MCC: variants seen among roughly 807,000 people sequenced by gnomAD.
MCC encodes colorectal mutant cancer protein.
In MCC, 90 loss-of-function variants were observed where a neutral mutation model predicts 116.2. That is an observed-to-expected ratio of 0.77 (90% CI 0.65 to 0.92). MCC has a LOEUF of 0.92. Ranked by LOEUF, MCC falls within the 40% of genes least tolerant of loss-of-function variation. The pLI, the probability that MCC is intolerant of heterozygous loss-of-function variation, is 0.00. For synonymous variants in MCC, 578 were observed against 510.5 expected (o/e 1.13, Z -1.78); for missense variants, 1,516 against 1,312.2 (o/e 1.16, Z -2.40).
At position 113,025,261 on chromosome 5, in the gene MCC, C is replaced by T. The variant is rs1472214368; in HGVS notation, c.*2041G>A. 6.1e-4 allele frequency: 90 copies of T among 148,024 alleles called. No homozygotes were observed. Among genetic ancestry groups the T allele is most frequent in the Non-Finnish European group, 1.0e-4 (7 of 66,880 alleles). 9.2% of individuals were successfully genotyped at this position (148,024 alleles called of 1,614,324 possible). ...AAAACTGATTTTTTTTTTTTTGGGG[C>T]ATATGTTTTTCAGCCAAAACATTTT... On this transcript the variant is annotated 3_prime_UTR_variant, in exon 19 of 19. Coordinates refer to ENST00000408903, the MANE Select transcript of MCC (RefSeq NM_001085377.2).
chr5:113,474,410 A>G (rs1161536758), intron 1 of MCC, among the ~76,000 whole-genome samples: 1 of 152,218 alleles, frequency 6.6e-6, no homozygotes, highest in African/African-American at 2.4e-5. Flanking sequence ...TGGGAGCTGC[A>G]TGTGCACAGC....
chr5:113,260,337 T>C (rs1182396608), intron 3 of MCC, among the ~76,000 whole-genome samples: 7 of 152,346 alleles, frequency 4.6e-5, no homozygotes, highest in East Asian at 3.9e-4. Context: ...AAGAATGGTA[T>C]TGATTTGCGC....
chr5:113,173,722 G>A (rs904705977), intron 3 of MCC, among the ~76,000 whole-genome samples: 1 of 152,136 alleles, frequency 6.6e-6, no homozygotes, highest in African/African-American at 2.4e-5. Flanking sequence ...TGTTTTCTCA[G>A]TATATTCTAT....
chr5:113,207,657 GT>G (rs1317238271), intron 3 of MCC, among the ~76,000 whole-genome samples: 2 of 152,124 alleles, frequency 1.3e-5, no homozygotes, highest in East Asian at 3.8e-4. Flanking sequence ...TGAATAAAGG[GT>G]TTTCCTAGGG....
At chr5:113,348,877 A>C (rs1175014149) in intron 2 of MCC, among the ~76,000 whole-genome samples, 1 of 152,146 alleles carries the variant, frequency 6.6e-6, no homozygotes, top group Non-Finnish European at 1.5e-5. Context: ...AGGAAACATT[A>C]CAACTGATAC....
intron 3 of MCC, among the ~76,000 whole-genome samples, chr5:113,222,247 T>G (rs1355838931): frequency 1.3e-5 from 2 of 152,228 alleles, no homozygotes; most frequent in African/African-American, 4.8e-5. Context: ...TGAACTAGCT[T>G]TGCGTTGCCA....
chr5:113,453,098 GTTGT>G (rs886493754), intron 1 of MCC, among the ~76,000 whole-genome samples: 1 of 152,114 alleles, frequency 6.6e-6, no homozygotes, highest in Non-Finnish European at 1.5e-5. Flanking sequence ...TGGGAAGGAG[GTTGT>G]TTATGTGACT....
chr5:113,100,760 T>C (rs1756356303), intron 8 of MCC, among the ~76,000 whole-genome samples: 1 of 152,204 alleles, frequency 6.6e-6, no homozygotes, highest in Non-Finnish European at 1.5e-5. Flanking sequence ...CGTGAGCCAC[T>C]GTGCCTGGCC....
chr5:113,183,392 G>C (rs1761726449), intron 3 of MCC, among the ~76,000 whole-genome samples: 1 of 152,132 alleles, frequency 6.6e-6, no homozygotes, highest in Non-Finnish European at 1.5e-5. Flanking sequence ...TCAGGTACCA[G>C]GTCAGAGAAA....
At chr5:113,219,185 G>T (rs1472648530) in intron 3 of MCC, among the ~76,000 whole-genome samples, 1 of 152,148 alleles carries the variant, frequency 6.6e-6, no homozygotes, top group African/African-American at 2.4e-5. Context: ...CTTTTGGGTT[G>T]TTTTAAATGT....
At chr5:113,406,893 G>GGCCTGCCTTAAAGGTTCTACACCCCTTGA (rs1769849978) in intron 1 of MCC, among the ~76,000 whole-genome samples, 1 of 152,116 alleles carries the variant, frequency 6.6e-6, no homozygotes, top group South Asian at 2.1e-4. Flanking sequence ...GCCATCCTTA[G>GGCCTGCCTTAAAGGTTCTACACCCCTTGA]GCCTGCCTTA....
chr5:113,287,618 C>A (rs1028501878), intron 3 of MCC, among the ~76,000 whole-genome samples: 2 of 152,194 alleles, frequency 1.3e-5, no homozygotes, highest in African/African-American at 4.8e-5. Context: ...AGCCACCACG[C>A]CCAGCCCATC....
Position 113,434,611 on chromosome 5 carries a change from C to A in MCC, c.171-49399G>T. ...TTGCCATGTGATGTCTCAAAGATCT[C>A]GTAGGTCTTAATGATGGAGCAGTGG... On this transcript the variant is annotated intron_variant, in intron 1 of 18. Coordinates refer to ENST00000408903, the MANE Select transcript of MCC (RefSeq NM_001085377.2). This position sits in a 1 kb window ranked among gnomAD's most constrained non-coding sequence, Gnocchi z 4.2. 1 of 1,613,854 alleles carries A rather than the reference C, an allele frequency of 6.2e-7. No individual in the cohort carries two copies. The highest frequency in any genetic ancestry group is 8.5e-7 in the Non-Finnish European group (1 of 1,179,884).
intron 1 of MCC, 31 bp downstream of exon 1, chr5:113,488,214 C>T (rs766585353): frequency 1.3e-6 from 2 of 1,580,548 alleles, no homozygotes; most frequent in East Asian, 2.6e-5. Flanking sequence ...TGATCTCGCT[C>T]CTGTCGGTTT....
chr5:113,346,893 A>C (rs1239272234), intron 2 of MCC, among the ~76,000 whole-genome samples: 1 of 151,988 alleles, frequency 6.6e-6, no homozygotes, highest in Non-Finnish European at 1.5e-5. Flanking sequence ...CTCAGTGTAA[A>C]CCTTACAGGC....
intron 8 of MCC, among the ~76,000 whole-genome samples, chr5:113,100,004 A>C (rs1756296322): frequency 6.6e-6 from 1 of 152,204 alleles, no homozygotes; most frequent in African/African-American, 2.4e-5. Flanking sequence ...TTTAGTGCTA[A>C]GCAAATTTCA....
chr5:113,134,129 C>G (rs1758646376), intron 5 of MCC, among the ~76,000 whole-genome samples: 1 of 152,144 alleles, frequency 6.6e-6, no homozygotes, highest in African/African-American at 2.4e-5. Flanking sequence ...CTTTTGAGGT[C>G]TTACTAAAAA....
chr5:113,046,710 A>AAAAAAAAAAAAAAAAAAAAAAAAAAG lies in MCC; in HGVS notation c.2655+2382_2655+2383insCTTTTTTTTTTTTTTTTTTTTTTTTT. On this transcript the variant is annotated intron_variant, in intron 16 of 18. Transcript: ENST00000408903. ...CAAAAAAAAAAAAAAAAAAAAAAAA[A>AAAAAAAAAAAAAAAAAAAAAAAAAAG]AGAGAGAGATTTTGAAGGTGTTTGT... 1.6e-3 allele frequency among the ~76,000 whole-genome samples: 162 copies of AAAAAAAAAAAAAAAAAAAAAAAAAAG among 102,434 alleles called. 32 individuals carry two copies. Among genetic ancestry groups the AAAAAAAAAAAAAAAAAAAAAAAAAAG allele is most frequent in the Non-Finnish European group, 2.3e-3 (119 of 51,322 alleles). 67.2% of individuals were successfully genotyped at this position (102,434 alleles called of 152,430 possible).
chr5:113,064,228 G>C, intron 13 of MCC, 61 bp from the exon 14 acceptor site: 2 of 1,473,442 alleles, frequency 1.4e-6, no homozygotes, highest in Non-Finnish European at 1.8e-6. Flanking sequence ...ACGCCTGGGA[G>C]GGACTATGCA....
Sources: gnomAD v4.1 joint callset for allele counts (sites outside exome capture counted in the v4.1 genomes callset) on GRCh38, gnomAD v4.1.1 for gene constraint, Gnocchi (gnomAD v3.1) non-coding constraint, MANE v1.5 for transcripts, NCBI Gene and HGNC (gene_info 2026-07-23, HGNC 2026-07-21) for gene names.